The following NME9 variants were observed in gnomAD, a reference collection of about 807,000 sequenced individuals.
The protein encoded by NME9 is thioredoxin domain-containing protein 6.
NME9 carries 48 observed loss-of-function variants against 44.4 expected under a neutral mutation model. The ratio of observed to expected loss-of-function variants is 1.08; its 90% CI spans 0.86 to 1.37. The LOEUF (loss-of-function observed/expected upper bound fraction) is 1.37, where lower values mean the gene tolerates loss of function less well. NME9 is among the 40% of genes most tolerant of loss of function. NME9 has a pLI of 0.00. For missense variants in NME9, 325 were observed against 405.2 expected (o/e 0.80, Z 1.70); for synonymous variants, 139 against 147.1 (o/e 0.94, Z 0.40).
chr3:138,272,387 T>C (rs2048879489), intron 8 of NME9, among the ~76,000 whole-genome samples: 1 of 151,582 alleles, frequency 6.6e-6, no homozygotes, highest in South Asian at 2.1e-4. Context: ...TAAATGAGTT[T>C]TGTATTTATT....
At chr3:138,314,204 T>C (rs2052906006) in intron 6 of NME9, 128 bp downstream of exon 6, 1 of 558,986 alleles carries the variant, frequency 1.8e-6, no homozygotes, top group South Asian at 3.3e-5. Flanking sequence ...TAAAAGAAAA[T>C]TATGAACCAT....
chr3:138,309,999 G>A (rs1340612247), intron 6 of NME9, among the ~76,000 whole-genome samples: 17 of 151,090 alleles, frequency 1.1e-4, no homozygotes, highest in Non-Finnish European at 2.1e-4. Context: ...CCTGGGCGAC[G>A]AGTGAAACTC....
At chr3:138,265,330 A>T (rs1281503163) in intron 8 of NME9, among the ~76,000 whole-genome samples, 4 of 152,150 alleles carry the variant, frequency 2.6e-5, no homozygotes, top group African/African-American at 9.7e-5. Flanking sequence ...GCTGCTAATA[A>T]TGTTATCCCC....
At chr3:138,273,080 A>T in intron 8 of NME9, 1 of 1,613,142 alleles carries the variant, frequency 6.2e-7, no homozygotes, top group Non-Finnish European at 8.5e-7. Context: ...TGATGAAGAC[A>T]TTGGGACTTC....
intron 2 of NME9, among the ~76,000 whole-genome samples, chr3:138,322,487 T>G (rs1247513961): frequency 5.4e-4 from 7 of 13,052 alleles, no homozygotes; most frequent in South Asian, 2.0e-3. Flanking sequence ...GAAAAAGGGG[T>G]GTGTGTGTGT....
intron 8 of NME9, among the ~76,000 whole-genome samples, chr3:138,284,174 C>T (rs2050187309): frequency 6.6e-6 from 1 of 152,248 alleles, no homozygotes; most frequent in Non-Finnish European, 1.5e-5. Flanking sequence ...AAATAGCTGC[C>T]TTTGACCAGC....
intron 8 of NME9, among the ~76,000 whole-genome samples, chr3:138,263,323 T>C (rs956570242): frequency 7.9e-5 from 12 of 152,256 alleles, no homozygotes; most frequent in African/African-American, 2.9e-4. Context: ...GGCTCTGTCC[T>C]AAGCCCAGAT....
At position 138,304,899 on chromosome 3, in the gene NME9, A is replaced by T. The variant is rs139311375; in HGVS notation, c.765T>A (p.Asn255Lys). The change falls in exon 9 of 11, where the codon AAT (asparagine) becomes AAA (lysine). Residue 255 changes from asparagine to lysine, a missense_variant. Transcript: ENST00000333911. The part of the protein sequence containing the change: ...WRTVMGPRDP[N>K]VARREQPESL... ...TTTCTGGCTGCTCCCTCCTGGCCAC[A>T]TTGGGGTCACGGGGGCCCATGACGG... 2 of 1,614,042 alleles carry T rather than the reference A, an allele frequency of 1.2e-6. No homozygotes were observed. The highest frequency in any genetic ancestry group is 1.7e-5 in the Admixed American group (1 of 60,010).
chr3:138,269,820 C>T (rs79976240), intron 8 of NME9, among the ~76,000 whole-genome samples: 53 of 121,614 alleles, frequency 4.4e-4, no homozygotes, highest in Middle Eastern at 4.6e-3. Context: ...TGTTTTCTTT[C>T]TTTTTTTTTT....
chr3:138,291,955 T>C (rs1234374178), intron 8 of NME9, among the ~76,000 whole-genome samples: 2 of 152,342 alleles, frequency 1.3e-5, no homozygotes, highest in East Asian at 3.9e-4. Flanking sequence ...CAGAGTTTAA[T>C]AGGAAATCAT....
chr3:138,313,585 G>A (rs533689490), intron 6 of NME9, among the ~76,000 whole-genome samples: 2 of 152,216 alleles, frequency 1.3e-5, no homozygotes, highest in East Asian at 3.9e-4. Flanking sequence ...ATCCAAAAGA[G>A]AGGAAATCAA....
chr3:138,323,219 C>T (rs1472732623), intron 2 of NME9, among the ~76,000 whole-genome samples: 1 of 152,196 alleles, frequency 6.6e-6, no homozygotes, highest in Non-Finnish European at 1.5e-5. Flanking sequence ...AGTTTGAGAT[C>T]AGCCTGGCCA....
At chr3:138,281,219 T>C (rs73227570) in intron 8 of NME9, among the ~76,000 whole-genome samples, 1 of 150,614 alleles carries the variant, frequency 6.6e-6, no homozygotes, top group African/African-American at 2.4e-5. Context: ...ATGGTGTGGG[T>C]GTGTGTGTGT....
At chr3:138,263,932 C>T in intron 8 of NME9, 2 of 1,118,868 alleles carry the variant, frequency 1.8e-6, no homozygotes, top group South Asian at 2.5e-5. Context: ...CAAAAATCTG[C>T]TCAGGTGAAT....
chr3:138,293,576 C>T (rs765957643), intron 8 of NME9, among the ~76,000 whole-genome samples: 1 of 151,942 alleles, frequency 6.6e-6, no homozygotes, highest in Non-Finnish European at 1.5e-5. Flanking sequence ...TAAAAAACTG[C>T]AGCCCAAGGC....
intron 8 of NME9, 49 bp from the exon 9 acceptor site, chr3:138,305,076 C>T (rs368511383): frequency 5.7e-6 from 9 of 1,565,798 alleles, no homozygotes; most frequent in African/African-American, 1.4e-5. Flanking sequence ...CTGCTAGGGC[C>T]TGCAGAGGAT....
chr3:138,294,263 G>A (rs1358735758), intron 8 of NME9, among the ~76,000 whole-genome samples: 1 of 152,182 alleles, frequency 6.6e-6, no homozygotes, highest in Non-Finnish European at 1.5e-5. Flanking sequence ...GATGCTTACA[G>A]ATGAGAAGCT....
At chr3:138,289,932 C>T (rs1050837059) in intron 8 of NME9, among the ~76,000 whole-genome samples, 12 of 152,200 alleles carry the variant, frequency 7.9e-5, no homozygotes, top group African/African-American at 2.6e-4. Flanking sequence ...AGCAGCAGCG[C>T]CCAAAACAAA....
At chr3:138,262,545 C>G (rs773751217) in exon 9 of NME9, 12 of 1,612,264 alleles carry the variant, frequency 7.4e-6, no homozygotes, top group Admixed American at 1.7e-5. Flanking sequence ...TCATTTTAGT[C>G]TAGGTCAGTG....
Sources: gnomAD v4.1 joint callset for allele counts (sites outside exome capture counted in the v4.1 genomes callset) on GRCh38, gnomAD v4.1.1 for gene constraint, MANE v1.5 for transcripts, NCBI Gene and HGNC (gene_info 2026-07-23, HGNC 2026-07-21) for gene names.